The following TBPL2 variants were observed in gnomAD, a reference collection of about 807,000 sequenced individuals.
The protein encoded by TBPL2 is TATA-box binding protein like 2, also known as TATA box-binding protein-like 2.
A neutral mutation model predicts 38.2 loss-of-function variants in TBPL2; 40 were observed. The ratio of observed to expected loss-of-function variants is 1.05; its 90% CI spans 0.81 to 1.36. The LOEUF is 1.36. TBPL2 is among the 40% of genes most tolerant of loss of function. TBPL2 has a pLI of 0.00. For missense variants in TBPL2, 461 were observed against 456.7 expected (o/e 1.01, Z -0.09); for synonymous variants, 169 against 171.7 (o/e 0.98, Z 0.12).
intron 4 of TBPL2, among the ~76,000 whole-genome samples, chr14:55,432,245 CAAA>C (rs71131268): frequency 1.6e-5 from 2 of 121,978 alleles, no homozygotes; most frequent in African/African-American, 3.0e-5. Flanking sequence ...CCCGTCTCTA[CAAA>C]AAAAAAAAAA....
intron 4 of TBPL2, among the ~76,000 whole-genome samples, chr14:55,430,984 A>G (rs1885916140): frequency 6.6e-6 from 1 of 152,232 alleles, no homozygotes; most frequent in Non-Finnish European, 1.5e-5. Flanking sequence ...GAAACAACTA[A>G]TAGTTGAAAG....
chr14:55,433,548 C>CTTTA (rs1566594527), intron 4 of TBPL2, 82 bp downstream of exon 4: 1 of 1,360,782 alleles, frequency 7.3e-7, no homozygotes, highest in Non-Finnish European at 1.0e-6. Context: ...CTACTATGTG[C>CTTTA]TTTAGCACAT....
intron 6 of TBPL2, among the ~76,000 whole-genome samples, chr14:55,415,463 A>G (rs574933550): frequency 6.6e-6 from 1 of 152,318 alleles, no homozygotes; most frequent in African/African-American, 2.4e-5. Flanking sequence ...ATACACCCCA[A>G]ATTGAAAACA....
At chr14:55,415,925 A>G (rs1885662051) in intron 6 of TBPL2, among the ~76,000 whole-genome samples, 1 of 152,216 alleles carries the variant, frequency 6.6e-6, no homozygotes, top group South Asian at 2.1e-4. Flanking sequence ...ACAGAAATGA[A>G]GTACACATGC....
At chr14:55,429,785 A>G (rs1346651771) in intron 4 of TBPL2, among the ~76,000 whole-genome samples, 4 of 151,236 alleles carry the variant, frequency 2.6e-5, no homozygotes, top group East Asian at 3.9e-4. Flanking sequence ...AAAAAAAAAA[A>G]AAAAGAAAAC....
At chr14:55,422,192 G>C (rs1382727888) in intron 6 of TBPL2, among the ~76,000 whole-genome samples, 1 of 152,206 alleles carries the variant, frequency 6.6e-6, no homozygotes, top group Non-Finnish European at 1.5e-5. Flanking sequence ...CGTTAAGTTG[G>C]TTGGCTAGCT....
intron 6 of TBPL2, among the ~76,000 whole-genome samples, chr14:55,423,804 C>G (rs368785324): frequency 6.6e-6 from 1 of 152,086 alleles, no homozygotes; most frequent in Admixed American, 6.5e-5. Flanking sequence ...AGTATTTGGC[C>G]CTTTCCAGAA....
intron 4 of TBPL2, 89 bp downstream of exon 4, chr14:55,433,541 C>CT: frequency 8.0e-7 from 1 of 1,251,118 alleles, no homozygotes; most frequent in East Asian, 2.3e-5. Context: ...TTTGCTTCTA[C>CT]TATGTGCTTT....
At chr14:55,422,512 G>A (rs1024743196) in intron 6 of TBPL2, among the ~76,000 whole-genome samples, 1 of 152,154 alleles carries the variant, frequency 6.6e-6, no homozygotes, top group Non-Finnish European at 1.5e-5. Context: ...GCCTCCCGAA[G>A]TGCTAGGATT....
intron 3 of TBPL2, among the ~76,000 whole-genome samples, chr14:55,435,325 G>A (rs1885996384): frequency 1.3e-5 from 2 of 151,068 alleles, no homozygotes; most frequent in African/African-American, 4.9e-5. Context: ...ACCCAGGCTG[G>A]AATGTAATGG....
intron 3 of TBPL2, among the ~76,000 whole-genome samples, chr14:55,434,378 C>T (rs768604152): frequency 1.3e-5 from 2 of 152,122 alleles, no homozygotes; most frequent in Admixed American, 6.5e-5. Flanking sequence ...GCCACATGGA[C>T]GTGTCATCAA....
At chr14:55,433,449 G>A (rs1885964582) in intron 4 of TBPL2, among the ~76,000 whole-genome samples, 181 bp downstream of exon 4, 1 of 151,696 alleles carries the variant, frequency 6.6e-6, no homozygotes, top group Non-Finnish European at 1.5e-5. Flanking sequence ...CACCATGCCT[G>A]GCCCAAGTCA....
At position 55,424,134 on chromosome 14, in the gene TBPL2, G is replaced by A. The variant is rs746014111; in HGVS notation, c.1051+25C>T. 9 of 1,533,538 alleles carry A rather than the reference G, an allele frequency of 5.9e-6. No individual in the cohort carries two copies. The Admixed American group carries it at 8.5e-5, about 14-fold the overall frequency. 95.0% of individuals were successfully genotyped at this position (1,533,538 alleles called of 1,614,324 possible). A position where few individuals can be genotyped will look rare whatever the true frequency, so the allele number is the denominator to read the frequency against. The stretch of plus-strand genomic sequence containing the variant: ...CATGCATAGCAATTACATTTTATGA[G>A]TCAGAAAATAATCTTAGCACTTACC... On this transcript the variant is annotated intron_variant, in intron 6 of 6. Transcript: ENST00000247219.
At chr14:55,436,795 G>A in exon 2 of TBPL2, 3 of 1,614,214 alleles carry the variant, frequency 1.9e-6, no homozygotes, top group Non-Finnish European at 2.5e-6. Context: ...TTGGCTTTCA[G>A]AATTTTCTTC....
chr14:55,431,818 C>T (rs1885932850), intron 4 of TBPL2, among the ~76,000 whole-genome samples: 2 of 152,204 alleles, frequency 1.3e-5, no homozygotes, highest in Admixed American at 1.3e-4. Context: ...TTCAGTCCCT[C>T]AGTTGTATTA....
chr14:55,431,378 G>A (rs557162111), intron 4 of TBPL2, among the ~76,000 whole-genome samples: 2 of 152,334 alleles, frequency 1.3e-5, no homozygotes, highest in South Asian at 2.1e-4. Flanking sequence ...TACAATGAAA[G>A]TTGGATAACA....
At chr14:55,433,853 T>A in intron 3 of TBPL2, 132 bp from the exon 4 acceptor site, 1 of 662,400 alleles carries the variant, frequency 1.5e-6, no homozygotes, top group Non-Finnish European at 2.5e-6. Flanking sequence ...CTTTTCTCCC[T>A]ACATTAAGGT....
At chr14:55,439,278 TA>T (rs34693240) in intron 1 of TBPL2, among the ~76,000 whole-genome samples, 1,981 of 133,830 alleles carry the variant, frequency 0.015, 42 homozygotes, top group African/African-American at 0.044. Flanking sequence ...TAATTAACTT[TA>T]AAAAAAAAAA....
intron 5 of TBPL2, 69 bp downstream of exon 5, chr14:55,428,738 C>G (rs931012807): frequency 6.9e-7 from 1 of 1,451,950 alleles, no homozygotes; most frequent in Non-Finnish European, 9.3e-7. Context: ...AGATACTTTA[C>G]GTAAGCAACC....
Sources: gnomAD v4.1 joint callset for allele counts (sites outside exome capture counted in the v4.1 genomes callset) on GRCh38, gnomAD v4.1.1 for gene constraint, MANE v1.5 for transcripts, NCBI Gene and HGNC (gene_info 2026-07-23, HGNC 2026-07-21) for gene names.